The following MAPK4 variants were observed in gnomAD, a reference collection of about 807,000 sequenced individuals.
MAPK4 encodes mitogen-activated protein kinase 4.
In MAPK4, 22 loss-of-function variants were observed where a neutral mutation model predicts 47.7. The ratio of observed to expected loss-of-function variants is 0.46; its 90% CI spans 0.33 to 0.66. The LOEUF is 0.66. MAPK4 is among the 30% of genes least tolerant of loss of function. MAPK4 has a pLI of 0.02. For synonymous variants in MAPK4, 390 were observed against 365.7 expected, an observed-to-expected ratio of 1.07 and a Z score of -0.76; for missense variants, 736 against 831.7, an observed-to-expected ratio of 0.88 and a Z score of 1.42.
At chr18:50,592,324 A>C (rs925821987) in intron 1 of MAPK4, among the ~76,000 whole-genome samples, 3 of 152,206 alleles carry the variant, frequency 2.0e-5, no homozygotes, top group African/African-American at 7.2e-5. Flanking sequence ...TTGACAAATA[A>C]AAATCTATAA....
At chr18:50,609,255 C>T (rs1332153925) in intron 1 of MAPK4, among the ~76,000 whole-genome samples, 3 of 151,796 alleles carry the variant, frequency 2.0e-5, no homozygotes, top group East Asian at 3.9e-4. Context: ...CACGGGGTGG[C>T]GGCCGGGCAG....
chr18:50,710,859 A>G (rs935997914), intron 2 of MAPK4, among the ~76,000 whole-genome samples: 5 of 152,222 alleles, frequency 3.3e-5, no homozygotes, highest in Non-Finnish European at 7.3e-5. Flanking sequence ...TAGTAGGCAC[A>G]TTATCATTAA....
At position 50,686,031 on chromosome 18, in the gene MAPK4, GAA is replaced by G. The variant is rs1422863751; in HGVS notation, c.546+21528_546+21529del. Among the ~76,000 whole-genome samples, 733 of 152,196 alleles carry G rather than the reference GAA, an allele frequency of 4.8e-3. 2 individuals carry two copies. The highest frequency in any genetic ancestry group is 0.016 in the African/African-American group (682 of 41,512). On this transcript the variant is annotated intron_variant, in intron 2 of 5. Coordinates refer to ENST00000400384, the MANE Select transcript of MAPK4 (RefSeq NM_002747.4). Reference sequence around the variant, plus strand: ...GCCAGCCCCCTAGAAAGGCCCCCTAGAAGTAACTCACCTGAGGTGATGGTAGA... The same window carrying G: ...GCCAGCCCCCTAGAAAGGCCCCCTAGGTAACTCACCTGAGGTGATGGTAGA...
chr18:50,706,582 C>G (rs1163075272), intron 2 of MAPK4, among the ~76,000 whole-genome samples: 2 of 152,190 alleles, frequency 1.3e-5, no homozygotes, highest in Admixed American at 6.5e-5. Flanking sequence ...TGTGGCTTGA[C>G]AGTTAATGCA....
At chr18:50,675,555 G>A (rs565572846) in intron 2 of MAPK4, among the ~76,000 whole-genome samples, 9 of 151,578 alleles carry the variant, frequency 5.9e-5, no homozygotes, top group Non-Finnish European at 1.0e-4. Context: ...GCAGTGGCAC[G>A]ATCTTGGCAC....
intron 1 of MAPK4, among the ~76,000 whole-genome samples, chr18:50,612,267 G>A (rs2042644184): frequency 6.6e-6 from 1 of 152,206 alleles, no homozygotes; most frequent in African/African-American, 2.4e-5. Flanking sequence ...GCCTGAACAA[G>A]GTTTTACACC....
intron 1 of MAPK4, among the ~76,000 whole-genome samples, chr18:50,584,800 A>G (rs1392866943): frequency 2.0e-5 from 3 of 152,252 alleles, no homozygotes; most frequent in Admixed American, 2.0e-4. Flanking sequence ...AAAGAATTGG[A>G]TGACAATGAC....
At chr18:50,677,476 C>T (rs1376945933) in intron 2 of MAPK4, among the ~76,000 whole-genome samples, 5 of 152,128 alleles carry the variant, frequency 3.3e-5, no homozygotes, top group Admixed American at 2.0e-4. Flanking sequence ...AGCACCCCAG[C>T]GTGTGGCCCA....
rs1907418394 is a variant in MAPK4 at position 50,663,824 on chromosome 18, C to G, written c.-135C>G. On this transcript the variant is annotated 5_prime_UTR_variant, in exon 2 of 6. Transcript: ENST00000400384. ...TCTCCAGAGAGCTGGTGGCAGTGACCTCACTAGGAGAAAACACATCCCTCA... is the reference window on the plus strand; with the variant it reads ...TCTCCAGAGAGCTGGTGGCAGTGACGTCACTAGGAGAAAACACATCCCTCA... 5.6e-6 allele frequency: 4 copies of G among 719,218 alleles called. No individual in the cohort carries two copies. Among genetic ancestry groups the G allele is most frequent in the Non-Finnish European group, 9.1e-6 (4 of 438,964 alleles). 44.6% of individuals were successfully genotyped at this position (719,218 alleles called of 1,614,324 possible).
At chr18:50,675,555 G>T (rs565572846) in intron 2 of MAPK4, among the ~76,000 whole-genome samples, 1 of 151,578 alleles carries the variant, frequency 6.6e-6, no homozygotes, top group South Asian at 2.1e-4. Flanking sequence ...GCAGTGGCAC[G>T]ATCTTGGCAC....
intron 1 of MAPK4, among the ~76,000 whole-genome samples, chr18:50,655,069 C>T (rs1374703529): frequency 6.6e-6 from 1 of 152,202 alleles, no homozygotes; most frequent in Non-Finnish European, 1.5e-5. Context: ...GTGAAGATAA[C>T]AGGGTCCCCT....
chr18:50,563,201 G>C (rs1170587543), intron 1 of MAPK4, among the ~76,000 whole-genome samples: 1 of 152,154 alleles, frequency 6.6e-6, no homozygotes, highest in Non-Finnish European at 1.5e-5. Flanking sequence ...AAGAAAAGGG[G>C]GAAAAACTAT....
At chr18:50,717,345 G>C (rs1379219430) in intron 3 of MAPK4, among the ~76,000 whole-genome samples, 1 of 152,142 alleles carries the variant, frequency 6.6e-6, no homozygotes, top group Non-Finnish European at 1.5e-5. Context: ...CCACCTCCTT[G>C]CTTGATCATG....
intron 1 of MAPK4, among the ~76,000 whole-genome samples, chr18:50,625,097 G>C (rs1318381201): frequency 6.6e-6 from 1 of 152,196 alleles, no homozygotes; most frequent in Non-Finnish European, 1.5e-5. Flanking sequence ...ACTTGCTCCA[G>C]GACACTGGTG....
At chr18:50,709,530 C>T (rs866436600) in intron 2 of MAPK4, among the ~76,000 whole-genome samples, 2 of 152,184 alleles carry the variant, frequency 1.3e-5, no homozygotes, top group Admixed American at 6.5e-5. Context: ...AAACGCCTTC[C>T]GCACTAGGAG....
At chr18:50,631,885 C>A (rs2042833762) in intron 1 of MAPK4, among the ~76,000 whole-genome samples, 1 of 152,214 alleles carries the variant, frequency 6.6e-6, no homozygotes, top group Non-Finnish European at 1.5e-5. Flanking sequence ...TAAATACAAT[C>A]TTTATCAGCA....
intron 1 of MAPK4, among the ~76,000 whole-genome samples, chr18:50,652,546 G>A (rs185895168): frequency 3.3e-5 from 5 of 152,248 alleles, no homozygotes; most frequent in African/African-American, 9.6e-5. Context: ...GGTATCCCTC[G>A]GTGGGTAGAA....
chr18:50,603,486 T>C (rs1171481536), intron 1 of MAPK4, among the ~76,000 whole-genome samples: 1 of 152,156 alleles, frequency 6.6e-6, no homozygotes, highest in African/African-American at 2.4e-5. Context: ...CACACATTAT[T>C]GGGGTTCCTG....
intron 1 of MAPK4, among the ~76,000 whole-genome samples, chr18:50,585,182 G>C (rs2042378037): frequency 6.6e-6 from 1 of 152,168 alleles, no homozygotes; most frequent in African/African-American, 2.4e-5. Flanking sequence ...GATTTAATTG[G>C]TCATGGATGT....
Sources: allele counts gnomAD v4.1 joint callset (sites outside exome capture counted in the v4.1 genomes callset), GRCh38; gene constraint gnomAD v4.1.1; transcripts MANE v1.5; gene names NCBI Gene and HGNC (gene_info 2026-07-23, HGNC 2026-07-21).